PRKDC: variants seen among roughly 807,000 people sequenced by gnomAD.
PRKDC encodes the protein DNA-dependent protein kinase catalytic subunit.
PRKDC carries 82 observed loss-of-function variants against 486.9 expected under a neutral mutation model. The observed-to-expected ratio is 0.17, with a 90% confidence interval of 0.14 to 0.20. The LOEUF (loss-of-function observed/expected upper bound fraction) is 0.20, where lower values mean the gene tolerates loss of function less well. Ranked by LOEUF, PRKDC falls within the 10% of genes least tolerant of loss-of-function variation. The pLI, the probability that PRKDC is intolerant of heterozygous loss-of-function variation, is 1.00. For missense variants in PRKDC, 4,504 were observed against 5,038.2 expected (o/e 0.89, Z 3.21); for synonymous variants, 1,895 against 1,837.0 (o/e 1.03, Z -0.81).
intron 77 of PRKDC, 127 bp from the exon 78 acceptor site, chr8:47,783,936 T>C (rs1303870503): frequency 1.1e-6 from 1 of 939,206 alleles, no homozygotes; most frequent in Non-Finnish European, 1.7e-6. Context: ...TGAAAAGTTT[T>C]CACTTAAAGG....
At chr8:47,778,228 C>T (rs989200676) in intron 83 of PRKDC, among the ~76,000 whole-genome samples, 5 of 152,148 alleles carry the variant, frequency 3.3e-5, no homozygotes, top group Admixed American at 6.5e-5. Flanking sequence ...CTTTGATCTG[C>T]GAACACATTT....
chr8:47,886,090 C>T lies in PRKDC; in HGVS notation c.4630G>A (p.Gly1544Ser), dbSNP rs746489977. 3.8e-5 allele frequency: 61 copies of T among 1,613,372 alleles called. No homozygotes were observed. Among genetic ancestry groups the T allele is most frequent in the Non-Finnish European group, 4.9e-5 (58 of 1,179,884 alleles). Reference sequence around the variant, plus strand: ...TGGATGACGCTGCCCTGTGAGCTGCCCAAGGACGCCGTGGACAGCACCGCT... The same window carrying T: ...TGGATGACGCTGCCCTGTGAGCTGCTCAAGGACGCCGTGGACAGCACCGCT... ...NPAVLSTASL[G>S]SSQGSVIHFS... is the part of the protein sequence containing the mutation. The change falls in exon 36 of 86, where the codon GGC (glycine) becomes AGC (serine). Residue 1544 changes from glycine (G) to serine (S), a missense_variant. By Grantham distance (56) the Gly-to-Ser change is moderately conservative. Transcript: ENST00000314191.
At position 47,953,818 on chromosome 8, in the gene PRKDC, G is replaced by C. The variant is rs757125369; in HGVS notation, c.610C>G (p.Leu204Val). ...AAAGTTCATCATACCTGGGTCTTAAGTTCACCCAGAAAAGCGCGGAACAGG... is the reference window on the plus strand; with the variant it reads ...AAAGTTCATCATACCTGGGTCTTAACTTCACCCAGAAAAGCGCGGAACAGG... ...ENLFRAFLGE[L>V]KTQMTSAVRE... is the part of the protein sequence containing the mutation. Residue 204 changes from leucine to valine, a missense_variant, in exon 6 of 86, where the codon CTT becomes GTT. Physicochemically the swap from Leu to Val is conservative, Grantham distance 32. Transcript: ENST00000314191. 1 of 1,572,142 alleles carries C rather than the reference G, an allele frequency of 6.4e-7. No individual in the cohort carries two copies. The highest frequency in any genetic ancestry group is 2.3e-5 in the East Asian group (1 of 43,570).
intron 25 of PRKDC, among the ~76,000 whole-genome samples, chr8:47,905,497 C>G (rs1589781694): frequency 1.3e-5 from 2 of 152,204 alleles, no homozygotes; most frequent in African/African-American, 4.8e-5. Flanking sequence ...CACAAGATAT[C>G]CTGGATTACA....
At chr8:47,824,704 T>C (rs2087693123) in intron 63 of PRKDC, among the ~76,000 whole-genome samples, 1 of 152,170 alleles carries the variant, frequency 6.6e-6, no homozygotes. Flanking sequence ...TGTTGGAGCA[T>C]TCATTCATCT....
intron 7 of PRKDC, among the ~76,000 whole-genome samples, chr8:47,950,442 G>A (rs866487105): frequency 6.6e-6 from 1 of 151,324 alleles, no homozygotes; most frequent in South Asian, 2.1e-4. Flanking sequence ...TGGCTAACAC[G>A]GTGAAACCCC....
intron 21 of PRKDC, among the ~76,000 whole-genome samples, chr8:47,919,112 C>T (rs1010491497): frequency 6.6e-6 from 1 of 152,158 alleles, no homozygotes; most frequent in African/African-American, 2.4e-5. Context: ...CACACAACTG[C>T]CACACAACCA....
intron 7 of PRKDC, among the ~76,000 whole-genome samples, chr8:47,946,771 A>G (rs952089844): frequency 4.6e-5 from 7 of 152,126 alleles, no homozygotes; most frequent in African/African-American, 7.2e-5. Context: ...AAGTGTCTCT[A>G]GTTAAATATA....
chr8:47,902,595 G>C lies in PRKDC; in HGVS notation c.3243C>G (p.Ala1081=), dbSNP rs1352281821. Residue 1081 remains alanine, a synonymous_variant, in exon 27 of 86, where the codon GCC becomes GCG. Coordinates refer to ENST00000314191, the MANE Select transcript of PRKDC (RefSeq NM_006904.7). ...TGAATTCCCTGTAGATATTATTAAA[G>C]GCAAGTGATGCTCCCAGCCTCTTGA... is the stretch of plus-strand genomic sequence containing the variant. The part of the protein sequence containing the change: ...NAFKRLGASL[A]FNNIYREFRE... The C allele has an allele frequency of 6.3e-7, 1 of 1,596,090 alleles. No homozygotes were observed. The highest frequency in any genetic ancestry group is 1.4e-5 in the African/African-American group (1 of 74,038).
At chr8:47,838,909 T>C (rs1438300638) in intron 56 of PRKDC, among the ~76,000 whole-genome samples, 3 of 152,244 alleles carry the variant, frequency 2.0e-5, no homozygotes. Flanking sequence ...TGCCCTACCA[T>C]ACAGCATTTG....
At chr8:47,800,256 C>T (rs537944770) in intron 71 of PRKDC, among the ~76,000 whole-genome samples, 111 of 150,198 alleles carry the variant, frequency 7.4e-4, no homozygotes, top group Non-Finnish European at 1.4e-3. Flanking sequence ...GGCACATATA[C>T]ACCATGGAAT....
chr8:47,883,612 A>G (rs1400183957), intron 36 of PRKDC, among the ~76,000 whole-genome samples: 1 of 150,992 alleles, frequency 6.6e-6, no homozygotes, highest in African/African-American at 2.4e-5. Context: ...CTTTCACTCT[A>G]CTCTCTGTGA....
At chr8:47,888,901 C>T (rs2089393784) in intron 33 of PRKDC, 113 bp downstream of exon 33, 1 of 1,162,098 alleles carries the variant, frequency 8.6e-7, no homozygotes, top group Admixed American at 2.5e-5. Flanking sequence ...CAGCAAACAT[C>T]CCACTGATAT....
intron 56 of PRKDC, among the ~76,000 whole-genome samples, chr8:47,838,473 T>G (rs2088074129): frequency 6.6e-6 from 1 of 151,816 alleles, no homozygotes; most frequent in Non-Finnish European, 1.5e-5. Context: ...CAGCCAAGCC[T>G]GTTGGCGTTA....
chr8:47,940,716 G>T (rs989368679), intron 10 of PRKDC, among the ~76,000 whole-genome samples: 17 of 152,094 alleles, frequency 1.1e-4, no homozygotes. Flanking sequence ...TGTTTTTAAC[G>T]CATCTTTATT....
intron 7 of PRKDC, among the ~76,000 whole-genome samples, chr8:47,949,246 AGCAACCTTAATTCCGCTAT>A (rs2090587824): frequency 6.6e-6 from 1 of 152,238 alleles, no homozygotes; most frequent in Non-Finnish European, 1.5e-5. Flanking sequence ...TCAGCTGATT[AGCAACCTTAATTCCGCTAT>A]GCCATGAAGC....
intron 32 of PRKDC, among the ~76,000 whole-genome samples, chr8:47,889,808 CATG>C (rs976043652): frequency 1.3e-5 from 2 of 152,170 alleles, no homozygotes; most frequent in African/African-American, 2.4e-5. Context: ...GATCATTCAT[CATG>C]ATGACTGTAG....
chr8:47,777,558 G>A (rs1265572519), intron 84 of PRKDC, 128 bp downstream of exon 84: 1 of 1,074,606 alleles, frequency 9.3e-7, no homozygotes, highest in African/African-American at 1.6e-5. Context: ...TTTGAGAAAT[G>A]CTGTACAAAA....
chr8:47,900,675 C>T (rs1442654412), intron 27 of PRKDC, among the ~76,000 whole-genome samples: 1 of 151,994 alleles, frequency 6.6e-6, no homozygotes, highest in Non-Finnish European at 1.5e-5. Context: ...CAGTGAAACC[C>T]CGTCTCTACT....
Sources: gnomAD v4.1 joint callset for allele counts (sites outside exome capture counted in the v4.1 genomes callset) on GRCh38, gnomAD v4.1.1 for gene constraint, MANE v1.5 for transcripts, NCBI Gene and HGNC (gene_info 2026-07-23, HGNC 2026-07-21) for gene names.